Variants in HLA-C observed in about 807,000 individuals in gnomAD.
HLA-C encodes major histocompatibility complex, class I, C.
In HLA-C, 15 loss-of-function variants were observed where a neutral mutation model predicts 36.9. The observed-to-expected ratio is 0.41, with a 90% CI of 0.27 to 0.63. The LOEUF is 0.63. Among genes scored for constraint, HLA-C ranks in the 20% least tolerant of loss-of-function variants. HLA-C has a pLI of 0.35. For synonymous variants in HLA-C, 104 were observed against 174.3 expected (o/e 0.60, Z 3.18); for missense variants, 272 against 400.4 (o/e 0.68, Z 2.74).
rs281860460 is a variant in HLA-C, at chr6:31,271,298, G to T, written c.394C>A (p.Arg132Ser). Reference sequence around the variant, plus strand: ...GACTGGTCATACCCGCGGAGGAGGCGCCCGTCGGGCCCCAGGTCGCAGCCA... The same window carrying T: ...GACTGGTCATACCCGCGGAGGAGGCTCCCGTCGGGCCCCAGGTCGCAGCCA... The change falls in exon 3 of 8, where the codon CGC (arginine) becomes AGC (serine). Residue 132 changes from arginine (R) to serine (S), a missense_variant. Physicochemically the swap from Arg to Ser is moderately radical, Grantham distance 110 (BLOSUM62 -1). This residue lies in a region of HLA-C where 72 missense variants were observed against 53.4 expected (regional missense o/e 1.35). Coordinates refer to ENST00000376228, the Ensembl canonical transcript of HLA-C. 4.4e-6 allele frequency: 5 copies of T among 1,139,622 alleles called. 1 individual carries two copies. Among genetic ancestry groups the T allele is most frequent in the Non-Finnish European group, 4.6e-6 (4 of 861,318 alleles). 70.6% of individuals were successfully genotyped at this position (1,139,622 alleles called of 1,614,324 possible). A position where few individuals can be genotyped will look rare whatever the true frequency, so the allele number is the denominator to read the frequency against.
rs754410106 is a variant in HLA-C, at chr6:31,269,095, T to C, written c.*74A>G. 8.2e-6 allele frequency: 8 copies of C among 973,972 alleles called. 1 individual carries two copies. In the East Asian group the frequency reaches 1.5e-4, roughly 18 times the overall value. 60.3% of individuals were successfully genotyped at this position (973,972 alleles called of 1,614,324 possible). On this transcript the variant is annotated 3_prime_UTR_variant, in exon 8 of 8. Transcript: ENST00000376228. ...ATTCAGGTGCCTTTGCAGAAAGAGA[T>C]GCCAGAGGCTCTTGAAGTCACAAAG...
chr6:31,271,045 G>A lies in HLA-C; in HGVS notation c.619+28C>T, dbSNP rs41561812. The A allele has an allele frequency of 2.7e-3, 2,356 of 872,134 alleles. 122 individuals carry two copies. In the South Asian group the frequency reaches 0.029, roughly 11 times the overall value. The allele number at this position is 872,134 out of a possible 1,614,324, so 54.0% of individuals were successfully genotyped here. ...CCATCCCGGGAGATCTATAGGAGAT[G>A]GGGAAGGCTCCCCACTGCCCCTGGT... On this transcript the variant is annotated intron_variant, in intron 3 of 7. Coordinates refer to ENST00000376228, the Ensembl canonical transcript of HLA-C.
chr6:31,271,501 T>G, intron 2 of HLA-C, 98 bp downstream of exon 2: 2 of 749,952 alleles, frequency 2.7e-6, no homozygotes, highest in African/African-American at 4.1e-5. Context: ...CAGATCCACC[T>G]TGGGGTGGAT....
chr6:31,270,977 T>C lies in HLA-C; in HGVS notation c.619+96A>G, dbSNP rs199558601. On this transcript the variant is annotated intron_variant, in intron 3 of 7. Coordinates refer to ENST00000376228, the Ensembl canonical transcript of HLA-C. ...CCATTCTCCATTCAAGGGAGGGCGATATTCCAGTGCTGATCCCATTTTCCT... is the reference window on the plus strand; with the variant it reads ...CCATTCTCCATTCAAGGGAGGGCGACATTCCAGTGCTGATCCCATTTTCCT... 6.0e-4 allele frequency: 411 copies of C among 679,552 alleles called. 8 individuals carry two copies. Among genetic ancestry groups the C allele is most frequent in the Middle Eastern group, 2.9e-3 (5 of 1,712 alleles). 42.1% of individuals were successfully genotyped at this position (679,552 alleles called of 1,614,324 possible). A position where few individuals can be genotyped will look rare whatever the true frequency, so the allele number is the denominator to read the frequency against.
rs1131122 is a variant in HLA-C at position 31,271,599 on chromosome 6, C to G, written c.343G>C (p.Gly115Arg). Residue 115 changes from glycine to arginine, a missense_variant and splice_region_variant, in exon 2 of 8, where the codon GGG (glycine) becomes CGG (arginine). Around this residue, in one of 8 missense-constraint regions of HLA-C, gnomAD observed 72 missense variants for 53.4 expected, o/e 1.35. Transcript: ENST00000376228. The stretch of plus-strand genomic sequence containing the variant: ...TGCGCCCCGGGCCGGGGTCACTCAC[C>G]GTCCTCGCTCTGGTTGTAGTAGCCG... 11 of 1,232,370 alleles carry G rather than the reference C, an allele frequency of 8.9e-6. 3 individuals carry two copies. In the East Asian group the frequency reaches 2.3e-4, roughly 26 times the overall value. 76.3% of individuals were successfully genotyped at this position (1,232,370 alleles called of 1,614,324 possible).
chr6:31,269,122 A>T, exon 8 of HLA-C: 1 of 1,375,440 alleles, frequency 7.3e-7, no homozygotes, highest in Non-Finnish European at 1.0e-6. Flanking sequence ...GTCACAAAGG[A>T]GAGGTGTGAA....
In HLA-C at chr6:31,272,043, A is replaced by AT. The variant is rs1562029870; in HGVS notation, c.28_29insA (p.Leu10HisfsTer89). ...GGCCAGGCCTCCCGAGAGCAGCAGG[A>AT]GGAGGGCTCGGGGCGCCATGACCCG... On this transcript the variant is annotated frameshift_variant, in exon 1 of 8. Transcript: ENST00000376228. LOFTEE classifies it high-confidence loss of function. 1 of 1,033,152 alleles carries AT rather than the reference A, an allele frequency of 9.7e-7. No individual in the cohort carries two copies. The highest frequency in any genetic ancestry group is 3.8e-5 in the East Asian group (1 of 26,582). 64.0% of individuals were successfully genotyped at this position (1,033,152 alleles called of 1,614,324 possible).
chr6:31,271,550 GGGGGAT>G, intron 2 of HLA-C, 43 bp downstream of exon 2: 1 of 1,080,620 alleles, frequency 9.3e-7, no homozygotes, highest in Non-Finnish European at 1.2e-6. Flanking sequence ...GGCCGTCCGT[GGGGGAT>G]GGGGAGGGGT....
At chr6:31,270,328 T>C in exon 4 of HLA-C, 3 of 918,470 alleles carry the variant, frequency 3.3e-6, no homozygotes, top group South Asian at 1.9e-5. Flanking sequence ...CATCTCCTGC[T>C]GGCCTGGTCT....
At chr6:31,268,990 G>A (rs1049579) in exon 8 of HLA-C, 10,847 of 646,208 alleles carry the variant, frequency 0.017, 204 homozygotes, top group African/African-American at 0.073. Context: ...ACAGGTCAGT[G>A]TGGGGACAGG....
chr6:31,271,073 CT>C lies in HLA-C; in HGVS notation c.618del (p.Glu207AsnfsTer7), dbSNP rs878874930. The C allele has an allele frequency of 1.1e-6, 1 of 893,858 alleles. No individual in the cohort carries two copies. Among genetic ancestry groups the C allele is most frequent in the Non-Finnish European group, 1.4e-6 (1 of 691,056 alleles). 55.4% of individuals were successfully genotyped at this position (893,858 alleles called of 1,614,324 possible). On this transcript the variant is annotated frameshift_variant and splice_region_variant, in exon 3 of 8. Coordinates refer to ENST00000376228, the Ensembl canonical transcript of HLA-C. LOFTEE classifies it high-confidence loss of function. ...GAAGGCTCCCCACTGCCCCTGGTAC[CT>C]GCGCGCTGCAGCGTCTCCTTCCCGT...
exon 8 of HLA-C, chr6:31,269,066 ACACATTCAGGTGC>A: frequency 1.4e-6 from 1 of 731,782 alleles, no homozygotes. Flanking sequence ...AGGAACGCAG[ACACATTCAGGTGC>A]CTTTGCAGAA....
chr6:31,268,968 C>T (rs551933356), exon 8 of HLA-C: 1,490 of 544,132 alleles, frequency 2.7e-3, no homozygotes, highest in Non-Finnish European at 3.8e-3. Flanking sequence ...GAAAGATGAT[C>T]GGGGAGGGAA....
chr6:31,271,309 C>T (rs281860456), exon 3 of HLA-C: 3 of 1,115,600 alleles, frequency 2.7e-6, no homozygotes, highest in Non-Finnish European at 3.6e-6. Flanking sequence ...CCCGTCGGGC[C>T]CCAGGTCGCA....
At chr6:31,269,138 C>G in exon 8 of HLA-C, 1 of 1,485,332 alleles carries the variant, frequency 6.7e-7, no homozygotes, top group South Asian at 1.1e-5. Flanking sequence ...GTGAAGAAAT[C>G]CTGCATCTCA....
Position 31,271,876 on chromosome 6 carries a change from C to T in HLA-C, c.74-8G>A, listed in dbSNP as rs41560121. 3 of 1,255,378 alleles carry T rather than the reference C, an allele frequency of 2.4e-6. No homozygotes were observed. Among genetic ancestry groups the T allele is most frequent in the Non-Finnish European group, 3.2e-6 (3 of 947,732 alleles). The allele number at this position is 1,255,378 out of a possible 1,614,324, so 77.8% of individuals were successfully genotyped here. ...ACCTCATGGAGTGGGAGCCTGGGGG[C>T]GAGGAGGGGCTGAGACCCGCCCGAC... is the stretch of plus-strand genomic sequence containing the variant. On this transcript the variant is annotated splice_polypyrimidine_tract_variant and splice_region_variant and intron_variant, in intron 1 of 7. Coordinates refer to ENST00000376228, the Ensembl canonical transcript of HLA-C.
At position 31,271,881 on chromosome 6, in the gene HLA-C, AG is replaced by A; in HGVS notation, c.74-14del. 2.4e-6 allele frequency: 3 copies of A among 1,258,954 alleles called. No individual in the cohort carries two copies. Among genetic ancestry groups the A allele is most frequent in the Non-Finnish European group, 3.2e-6 (3 of 950,150 alleles). The allele number at this position is 1,258,954 out of a possible 1,614,324, so 78.0% of individuals were successfully genotyped here. On this transcript the variant is annotated splice_polypyrimidine_tract_variant and intron_variant, in intron 1 of 7. Transcript: ENST00000376228. ...ATGGAGTGGGAGCCTGGGGGCGAGG[AG>A]GGGCTGAGACCCGCCCGACCCACCT... is the stretch of plus-strand genomic sequence containing the variant.
In HLA-C at chr6:31,271,350, TGGCCCC is replaced by T; in HGVS notation, c.344-8_344-3del. ...ACATCCTCTGGAGGGTGTGAGACCCTGGCCCCGCCCCCGCGGTCAGCCCAGTCCCCC... is the reference window on the plus strand; with the variant it reads ...ACATCCTCTGGAGGGTGTGAGACCCTGCCCCCGCGGTCAGCCCAGTCCCCC... On this transcript the variant is annotated splice_polypyrimidine_tract_variant and splice_region_variant and intron_variant, in intron 2 of 7. Coordinates refer to ENST00000376228, the Ensembl canonical transcript of HLA-C. 1.0e-6 allele frequency: 1 copy of T among 969,296 alleles called. No homozygotes were observed. The allele number at this position is 969,296 out of a possible 1,614,324, so 60.0% of individuals were successfully genotyped here. A position where few individuals can be genotyped will look rare whatever the true frequency, so the allele number is the denominator to read the frequency against.
chr6:31,270,889 T>G lies in HLA-C; in HGVS notation c.619+184A>C, dbSNP rs113436248. 9.3e-5 allele frequency among the ~76,000 whole-genome samples: 6 copies of G among 64,262 alleles called. 1 individual carries two copies. Among genetic ancestry groups the G allele is most frequent in the Admixed American group, 1.7e-4 (1 of 5,846 alleles). 42.2% of individuals were successfully genotyped at this position (64,262 alleles called of 152,430 possible). ...TCTTCCCCTCCATTTCCTCAGAGAC[T>G]TCATCCCTTAATTGTCCTAGAGAGC... On this transcript the variant is annotated intron_variant, in intron 3 of 7. Transcript: ENST00000376228.
Sources: gnomAD v4.1 joint callset for allele counts (sites outside exome capture counted in the v4.1 genomes callset) on GRCh38, gnomAD v4.1.1 for gene constraint, gnomAD v4.1.1 regional missense constraint, MANE v1.5 for transcripts, NCBI Gene and HGNC (gene_info 2026-07-23, HGNC 2026-07-21) for gene names.